Variants in PRR5L observed in about 807,000 individuals in gnomAD.
PRR5L encodes the protein proline-rich protein 5-like.
In PRR5L, 21 loss-of-function variants were observed where a neutral mutation model predicts 36.4. The ratio of observed to expected loss-of-function variants is 0.58; its 90% CI spans 0.41 to 0.83. The LOEUF is 0.83. Ranked by LOEUF, PRR5L falls within the 40% of genes least tolerant of loss-of-function variation. The pLI is 0.00. For missense variants in PRR5L, 381 were observed against 473.3 expected, an observed-to-expected ratio of 0.80 and a Z score of 1.81; for synonymous variants, 188 against 197.0, an observed-to-expected ratio of 0.95 and a Z score of 0.38.
chr11:36,381,027 TTA>T (rs1490016018), intron 1 of PRR5L, among the ~76,000 whole-genome samples: 1 of 152,234 alleles, frequency 6.6e-6, no homozygotes, highest in African/African-American at 2.4e-5. Context: ...TAGCATAGAA[TTA>T]TATGTTACAT....
intron 1 of PRR5L, among the ~76,000 whole-genome samples, chr11:36,303,417 G>A (rs111785647): frequency 0.022 from 3,288 of 152,216 alleles, 110 homozygotes; most frequent in African/African-American, 0.073. Context: ...AAATCGAGAA[G>A]ACATTATCAG....
At chr11:36,313,281 T>C (rs1856522504) in intron 1 of PRR5L, among the ~76,000 whole-genome samples, 1 of 152,190 alleles carries the variant, frequency 6.6e-6, no homozygotes, top group African/African-American at 2.4e-5. Flanking sequence ...GATGATTTAA[T>C]CTTGGTTGGG....
chr11:36,384,588 A>T (rs566600470), intron 1 of PRR5L, among the ~76,000 whole-genome samples: 1 of 152,296 alleles, frequency 6.6e-6, no homozygotes, highest in South Asian at 2.1e-4. Flanking sequence ...AATGCCTGTT[A>T]TACCTGGCTA....
At chr11:36,303,127 C>T (rs1202126011) in intron 1 of PRR5L, among the ~76,000 whole-genome samples, 2 of 152,148 alleles carry the variant, frequency 1.3e-5, no homozygotes, top group African/African-American at 2.4e-5. Context: ...AAGCAGGACT[C>T]TTCCTCAAGA....
intron 1 of PRR5L, among the ~76,000 whole-genome samples, chr11:36,342,775 T>G (rs1050629287): frequency 1.3e-5 from 2 of 152,196 alleles, no homozygotes; most frequent in African/African-American, 2.4e-5. Flanking sequence ...CAATCCAGTC[T>G]TCTTCTCCCT....
chr11:36,445,496 T>C (rs1283877177), intron 6 of PRR5L, among the ~76,000 whole-genome samples: 1 of 152,154 alleles, frequency 6.6e-6, no homozygotes, highest in Non-Finnish European at 1.5e-5. Context: ...GTATGTATTG[T>C]GTAAAGGAGA....
intron 1 of PRR5L, among the ~76,000 whole-genome samples, chr11:36,325,038 C>T (rs1003338539): frequency 7.2e-5 from 11 of 152,166 alleles, no homozygotes; most frequent in Non-Finnish European, 1.5e-4. Flanking sequence ...TCCAAAATGG[C>T]GGCAGGTCGC....
intron 6 of PRR5L, among the ~76,000 whole-genome samples, chr11:36,442,043 A>G (rs1477195724): frequency 6.6e-6 from 1 of 152,128 alleles, no homozygotes; most frequent in Non-Finnish European, 1.5e-5. Context: ...GGACTGTCCC[A>G]GAGGTTTCTG....
At chr11:36,337,405 AC>A (rs200467951) in intron 1 of PRR5L, among the ~76,000 whole-genome samples, 8,879 of 152,274 alleles carry the variant, frequency 0.058, 491 homozygotes, top group Admixed American at 0.15. Context: ...TAGCCCTCTA[AC>A]ATCTTGATCT....
Position 36,354,902 on chromosome 11 carries a change from G to A in PRR5L, c.-125-46095G>A, listed in dbSNP as rs368542163. ...GGAAAAAATCTGGAATATGTGGCTAGAGCTCAGCATCAATTTCAGATGCCT... is the reference window on the plus strand; with the variant it reads ...GGAAAAAATCTGGAATATGTGGCTAAAGCTCAGCATCAATTTCAGATGCCT... On this transcript the variant is annotated intron_variant, in intron 1 of 8. Transcript: ENST00000530639. Among the ~76,000 whole-genome samples the A allele has an allele frequency of 1.1e-4, 17 of 152,350 alleles. No homozygotes were observed. The East Asian group carries it at 2.3e-3, about 21-fold the overall frequency.
Position 36,423,873 on chromosome 11 carries a change from G to A in PRR5L, c.294+4570G>A, listed in dbSNP as rs78512042. Reference sequence around the variant, plus strand: ...TGGGGTGGCCTAGAAGCTCCCACTGGCCACTGTGAGGGGCGAGAATGAGGG... The same window carrying A: ...TGGGGTGGCCTAGAAGCTCCCACTGACCACTGTGAGGGGCGAGAATGAGGG... On this transcript the variant is annotated intron_variant, in intron 4 of 8. Transcript: ENST00000530639. Among the ~76,000 whole-genome samples, 755 of 152,280 alleles carry A rather than the reference G, an allele frequency of 5.0e-3. 13 individuals are homozygous for A. The highest frequency in any genetic ancestry group is 0.042 in the East Asian group (220 of 5,180).
intron 3 of PRR5L, 25 bp downstream of exon 3, chr11:36,403,403 C>T: frequency 6.3e-7 from 1 of 1,598,710 alleles, no homozygotes; most frequent in Non-Finnish European, 8.6e-7. Context: ...AGACTTGGTG[C>T]CATTTTCCCC....
chr11:36,383,412 G>A (rs572477545), intron 1 of PRR5L, among the ~76,000 whole-genome samples: 2 of 152,312 alleles, frequency 1.3e-5, no homozygotes, highest in South Asian at 2.1e-4. Flanking sequence ...CAGCCCGTGG[G>A]CCAAACTTTG....
chr11:36,307,002 C>G (rs1856441175), intron 1 of PRR5L, among the ~76,000 whole-genome samples: 1 of 152,190 alleles, frequency 6.6e-6, no homozygotes, highest in Non-Finnish European at 1.5e-5. Flanking sequence ...ACCCTGATTG[C>G]CACACCCTAA....
At chr11:36,424,254 T>C (rs1189737162) in intron 4 of PRR5L, among the ~76,000 whole-genome samples, 1 of 152,220 alleles carries the variant, frequency 6.6e-6, no homozygotes, top group Admixed American at 6.5e-5. Flanking sequence ...GCTGAAAATA[T>C]ATCACCCGAA....
At chr11:36,440,003 C>T (rs1858687329) in intron 6 of PRR5L, among the ~76,000 whole-genome samples, 1 of 152,098 alleles carries the variant, frequency 6.6e-6, no homozygotes, top group South Asian at 2.1e-4. Flanking sequence ...TCATTGTGGG[C>T]CTAAGAGATG....
chr11:36,403,215 C>A, intron 2 of PRR5L, 83 bp from the exon 3 acceptor site: 1 of 1,203,642 alleles, frequency 8.3e-7, no homozygotes. Flanking sequence ...CTGGTCACTC[C>A]ACACACCTTC....
chr11:36,376,969 G>A (rs1355382799), intron 1 of PRR5L, among the ~76,000 whole-genome samples: 2 of 152,080 alleles, frequency 1.3e-5, no homozygotes, highest in Non-Finnish European at 2.9e-5. Context: ...CCACGCTCCC[G>A]GTCTGCTCTT....
At chr11:36,438,069 A>T (rs537281862) in intron 6 of PRR5L, among the ~76,000 whole-genome samples, 1 of 152,316 alleles carries the variant, frequency 6.6e-6, no homozygotes, top group African/African-American at 2.4e-5. Context: ...TAAGGAATTT[A>T]GAATAAAATG....
Sources: allele counts gnomAD v4.1 joint callset (sites outside exome capture counted in the v4.1 genomes callset), GRCh38; gene constraint gnomAD v4.1.1; transcripts MANE v1.5; gene names NCBI Gene and HGNC (gene_info 2026-07-23, HGNC 2026-07-21).